Variants in TRIO observed in about 807,000 individuals in gnomAD.
TRIO encodes the protein trio Rho guanine nucleotide exchange factor.
Under a neutral mutation model 351.9 loss-of-function variants are expected in TRIO, and 58 were observed. The observed-to-expected ratio is 0.16, with a 90% CI of 0.13 to 0.21. The LOEUF is 0.21. TRIO is among the 10% of genes least tolerant of loss of function. The pLI is 1.00. For synonymous variants in TRIO, 1,758 were observed against 1,595.7 expected (o/e 1.10, Z -2.42); for missense variants, 3,201 against 4,027.8 (o/e 0.79, Z 5.56).
intron 48 of TRIO, chr5:14,488,914 G>A: frequency 2.6e-6 from 2 of 759,810 alleles, no homozygotes; most frequent in Non-Finnish European, 2.4e-6. Flanking sequence ...GGCCTGCTGG[G>A]CTCTGGCCTC....
intron 46 of TRIO, among the ~76,000 whole-genome samples, chr5:14,484,693 C>T (rs1003475998): frequency 4.6e-5 from 7 of 152,104 alleles, no homozygotes; most frequent in African/African-American, 1.4e-4. Context: ...CAGCCATCAC[C>T]ATCATCTGTC....
intron 13 of TRIO, among the ~76,000 whole-genome samples, chr5:14,361,342 A>G (rs766886456): frequency 2.0e-5 from 3 of 152,232 alleles, no homozygotes; most frequent in Non-Finnish European, 4.4e-5. Context: ...CGAAATTACA[A>G]GTGCCCTAGT....
chr5:14,163,871 G>A (rs1408587109), intron 1 of TRIO, among the ~76,000 whole-genome samples: 3 of 152,056 alleles, frequency 2.0e-5, no homozygotes, highest in Admixed American at 2.0e-4. Context: ...TCTTAAATAG[G>A]CTCTTCATAC....
chr5:14,481,378 G>A (rs746856064), intron 44 of TRIO, 94 bp downstream of exon 44: 9 of 1,544,598 alleles, frequency 5.8e-6, no homozygotes, highest in South Asian at 1.2e-5. Context: ...CCCTGGGAGG[G>A]GGTCAAAGCA....
chr5:14,417,720 A>G (rs1022417067), intron 33 of TRIO, among the ~76,000 whole-genome samples: 10 of 152,268 alleles, frequency 6.6e-5, no homozygotes, highest in Non-Finnish European at 1.3e-4. Flanking sequence ...GAGCGTCTGC[A>G]GGCTAAGCAC....
chr5:14,369,612 C>G, intron 18 of TRIO, 89 bp downstream of exon 18: 1 of 1,450,596 alleles, frequency 6.9e-7, no homozygotes, highest in Non-Finnish European at 9.2e-7. Context: ...CCAAGGGAGC[C>G]TGCCCCACAC....
chr5:14,153,503 C>A (rs998351599), intron 1 of TRIO, among the ~76,000 whole-genome samples: 2 of 152,214 alleles, frequency 1.3e-5, no homozygotes, highest in African/African-American at 4.8e-5. Flanking sequence ...ACTGTTATCT[C>A]TGTATTGCCA....
chr5:14,430,940 G>A (rs965182864), intron 34 of TRIO, among the ~76,000 whole-genome samples: 1 of 152,150 alleles, frequency 6.6e-6, no homozygotes, highest in African/African-American at 2.4e-5. Flanking sequence ...TTGAACTCCT[G>A]ACCTCAGGTG....
intron 1 of TRIO, among the ~76,000 whole-genome samples, chr5:14,149,140 T>A (rs954483677): frequency 3.3e-5 from 5 of 152,166 alleles, no homozygotes; most frequent in African/African-American, 4.8e-5. Context: ...GGGCCCTGCA[T>A]GTGCTGCTGG....
chr5:14,197,392 T>C (rs1321250350), intron 1 of TRIO, among the ~76,000 whole-genome samples: 2 of 152,224 alleles, frequency 1.3e-5, no homozygotes, highest in African/African-American at 4.8e-5. Context: ...GAGAATGCTC[T>C]TTACCCTGTC....
chr5:14,148,038 G>A (rs1268354397), intron 1 of TRIO, among the ~76,000 whole-genome samples: 1 of 152,212 alleles, frequency 6.6e-6, no homozygotes, highest in Non-Finnish European at 1.5e-5. Context: ...GTGCAGTAAA[G>A]TCATCACTGA....
chr5:14,466,349 G>A (rs1448145920), intron 37 of TRIO: 1 of 152,134 alleles, frequency 6.6e-6, no homozygotes, highest in African/African-American at 2.4e-5. Context: ...CTTTCATTTG[G>A]GTTCACAATG....
At chr5:14,339,464 C>A (rs931866888) in intron 11 of TRIO, among the ~76,000 whole-genome samples, 1 of 152,188 alleles carries the variant, frequency 6.6e-6, no homozygotes, top group East Asian at 1.9e-4. Context: ...ACTAAGGAGA[C>A]CTTAAATCAG....
chr5:14,396,272 T>C (rs1747568484), intron 28 of TRIO, among the ~76,000 whole-genome samples: 1 of 151,836 alleles, frequency 6.6e-6, no homozygotes, highest in South Asian at 2.1e-4. Context: ...TGTTACTGTT[T>C]CTGCTGCGTG....
rs1740156066 is a variant in TRIO, at chr5:14,324,128, A to T, written c.1732-6650A>T. The stretch of plus-strand genomic sequence containing the variant: ...AAGACAGTGACTGAGTAACTAAAAT[A>T]AATGGAACCAGGTTGTTAATTTTGG... On this transcript the variant is annotated intron_variant, in intron 9 of 56. Transcript: ENST00000344204. Among the ~76,000 whole-genome samples the T allele has an allele frequency of 7.2e-5, 11 of 152,330 alleles. No homozygotes were observed. In the South Asian group the frequency reaches 2.3e-3, roughly 32 times the overall value.
At chr5:14,443,180 A>T (rs550209623) in intron 34 of TRIO, among the ~76,000 whole-genome samples, 1 of 152,286 alleles carries the variant, frequency 6.6e-6, no homozygotes, top group East Asian at 1.9e-4. Context: ...AAGAAGCTCT[A>T]GGTGGTGTTC....
At chr5:14,400,852 T>C in intron 30 of TRIO, 111 bp from the exon 31 acceptor site, 1 of 891,674 alleles carries the variant, frequency 1.1e-6, no homozygotes, top group South Asian at 1.5e-5. Flanking sequence ...CTAGTGACGT[T>C]CTTATAACCT....
At chr5:14,362,308 T>TA (rs1386349850) in intron 13 of TRIO, among the ~76,000 whole-genome samples, 2 of 152,246 alleles carry the variant, frequency 1.3e-5, no homozygotes, top group African/African-American at 4.8e-5. Context: ...TTCTAAAAGA[T>TA]GAGGCCATTT....
At chr5:14,182,867 C>A (rs1348480791) in intron 1 of TRIO, among the ~76,000 whole-genome samples, 1 of 63,834 alleles carries the variant, frequency 1.6e-5, no homozygotes, top group Non-Finnish European at 4.8e-5. Flanking sequence ...TGGAGACCCC[C>A]CCCCCTCCAC....
Sources: allele counts gnomAD v4.1 joint callset (sites outside exome capture counted in the v4.1 genomes callset), GRCh38; gene constraint gnomAD v4.1.1; transcripts MANE v1.5; gene names NCBI Gene and HGNC (gene_info 2026-07-23, HGNC 2026-07-21).